Variants in ABLIM3 observed in about 807,000 individuals in gnomAD.
The protein encoded by ABLIM3 is actin-binding LIM protein 3.
A neutral mutation model predicts 109.5 loss-of-function variants in ABLIM3; 61 were observed. That is an observed-to-expected ratio of 0.56 (90% CI 0.45 to 0.69). ABLIM3 has a LOEUF of 0.69. Among genes scored for constraint, ABLIM3 ranks in the 30% least tolerant of loss-of-function variants. The pLI, the probability that ABLIM3 is intolerant of heterozygous loss-of-function variation, is 0.00. For synonymous variants in ABLIM3, 300 were observed against 324.8 expected (o/e 0.92, Z 0.82); for missense variants, 796 against 889.5 (o/e 0.89, Z 1.34).
At chr5:149,227,345 G>A (rs1258655806) in intron 8 of ABLIM3, among the ~76,000 whole-genome samples, 1 of 152,152 alleles carries the variant, frequency 6.6e-6, no homozygotes, top group Middle Eastern at 3.2e-3. Context: ...TTCATAGTAG[G>A]TTTTAACTGC....
intron 11 of ABLIM3, among the ~76,000 whole-genome samples, chr5:149,237,892 C>T (rs1287954226): frequency 6.6e-6 from 1 of 152,164 alleles, no homozygotes; most frequent in Non-Finnish European, 1.5e-5. Context: ...CCCAGTCCCC[C>T]GACTCCCTGT....
chr5:149,155,312 A>T (rs547346714), intron 2 of ABLIM3, among the ~76,000 whole-genome samples: 1 of 152,328 alleles, frequency 6.6e-6, no homozygotes, highest in African/African-American at 2.4e-5. Context: ...GCAGTGAAAC[A>T]AATCTTCACG....
At chr5:149,188,592 G>A (rs966441435) in intron 3 of ABLIM3, among the ~76,000 whole-genome samples, 2 of 152,204 alleles carry the variant, frequency 1.3e-5, no homozygotes, top group Non-Finnish European at 2.9e-5. Flanking sequence ...ATCTTGCTGC[G>A]TCTTCGCATG....
chr5:149,165,227 C>G (rs1754715074), intron 2 of ABLIM3, among the ~76,000 whole-genome samples: 1 of 152,154 alleles, frequency 6.6e-6, no homozygotes, highest in Non-Finnish European at 1.5e-5. Context: ...TCTTCTCTAG[C>G]CCACTGAATG....
chr5:149,225,978 GTGTGTATA>G (rs1323212063), intron 8 of ABLIM3, among the ~76,000 whole-genome samples: 12 of 25,072 alleles, frequency 4.8e-4, no homozygotes, highest in Admixed American at 8.0e-4. Flanking sequence ...GTGTGTGTGT[GTGTGTATA>G]TATATATATA....
chr5:149,174,166 G>A (rs1755717777), intron 2 of ABLIM3, among the ~76,000 whole-genome samples: 2 of 151,812 alleles, frequency 1.3e-5, no homozygotes, highest in South Asian at 2.1e-4. Context: ...TTCCCTGAAC[G>A]ATGACCAGGG....
At chr5:149,203,997 A>G (rs1190311086) in intron 5 of ABLIM3, among the ~76,000 whole-genome samples, 1 of 152,194 alleles carries the variant, frequency 6.6e-6, no homozygotes, top group Non-Finnish European at 1.5e-5. Context: ...CTTAGATCCT[A>G]TTCCCTTAAC....
At chr5:149,221,509 G>C (rs953258105) in intron 8 of ABLIM3, among the ~76,000 whole-genome samples, 1 of 152,176 alleles carries the variant, frequency 6.6e-6, no homozygotes, top group South Asian at 2.1e-4. Flanking sequence ...GCTCTAATTG[G>C]GAGAAGTCTG....
rs749832445 is a variant in ABLIM3 at position 149,200,405 on chromosome 5, C to G, written c.425C>G (p.Pro142Arg). 6.2e-7 allele frequency: 1 copy of G among 1,614,180 alleles called. No individual in the cohort carries two copies. Among genetic ancestry groups the G allele is most frequent in the Admixed American group, 1.7e-5 (1 of 60,022 alleles). Residue 142 changes from proline (P) to arginine (R), a missense_variant, in exon 5 of 24, where the codon CCC (proline) becomes CGC (arginine). Physicochemically the swap from Pro to Arg is moderately radical, Grantham distance 103. Coordinates refer to ENST00000309868, the MANE Select transcript of ABLIM3 (RefSeq NM_014945.5). ...TCCCAGTCCATGGCCAGCAGTAAGCCCATCAAGATTCGTGGACCAAGCCGT... is the reference window on the plus strand; with the variant it reads ...TCCCAGTCCATGGCCAGCAGTAAGCGCATCAAGATTCGTGGACCAAGCCGT... ...TCSQSMASSK[P>R]IKIRGPSHCA...
chr5:149,220,691 G>T (rs372596250), intron 8 of ABLIM3: 3 of 152,190 alleles, frequency 2.0e-5, no homozygotes, highest in South Asian at 4.1e-4. Context: ...GCTCAGGAGT[G>T]TAAAGAAGTG....
chr5:149,216,164 G>C (rs1760058508), intron 7 of ABLIM3, among the ~76,000 whole-genome samples: 2 of 152,122 alleles, frequency 1.3e-5, no homozygotes, highest in African/African-American at 4.8e-5. Flanking sequence ...ATCACCCACT[G>C]AGCCCTAAAA....
chr5:149,229,730 G>T (rs915929122), intron 8 of ABLIM3, among the ~76,000 whole-genome samples: 1 of 152,216 alleles, frequency 6.6e-6, no homozygotes, highest in South Asian at 2.1e-4. Context: ...GGGATAATAT[G>T]TTCCTATTTT....
At chr5:149,184,058 G>C (rs1756727995) in intron 3 of ABLIM3, among the ~76,000 whole-genome samples, 1 of 150,492 alleles carries the variant, frequency 6.6e-6, no homozygotes, top group Non-Finnish European at 1.5e-5. Context: ...GAGACATCTT[G>C]ACCTTGGTAA....
At chr5:149,249,981 C>T in intron 19 of ABLIM3, 137 bp downstream of exon 19, 1 of 1,103,190 alleles carries the variant, frequency 9.1e-7, no homozygotes, top group Admixed American at 1.9e-5. Context: ...TAGTCTACTC[C>T]ATTGTATTTG....
chr5:149,250,540 T>A, intron 20 of ABLIM3, 35 bp downstream of exon 20: 3 of 1,611,874 alleles, frequency 1.9e-6, no homozygotes, highest in Non-Finnish European at 2.5e-6. Context: ...GGGAGGACGT[T>A]GTCCCCAAAA....
At chr5:149,188,796 T>G (rs1757215031) in intron 3 of ABLIM3, among the ~76,000 whole-genome samples, 2 of 152,176 alleles carry the variant, frequency 1.3e-5, no homozygotes, top group Non-Finnish European at 2.9e-5. Flanking sequence ...GGGGACAGAA[T>G]TCAGTCCATA....
At chr5:149,174,634 C>T (rs1755759682) in intron 2 of ABLIM3, 1 of 152,206 alleles carries the variant, frequency 6.6e-6, no homozygotes, top group Non-Finnish European at 1.5e-5. Flanking sequence ...CAGTGCAAGG[C>T]AACCCCATTC....
intron 3 of ABLIM3, among the ~76,000 whole-genome samples, chr5:149,193,622 A>G (rs142463777): frequency 2.0e-5 from 3 of 152,338 alleles, no homozygotes; most frequent in East Asian, 3.9e-4. Context: ...TTAAAATTAT[A>G]TTCTTGACAA....
chr5:149,245,418 G>C (rs1753251415), intron 16 of ABLIM3, among the ~76,000 whole-genome samples: 1 of 152,234 alleles, frequency 6.6e-6, no homozygotes, highest in African/African-American at 2.4e-5. Context: ...CTTCTGCAAA[G>C]ACCCAGGATG....
Sources: allele counts gnomAD v4.1 joint callset (sites outside exome capture counted in the v4.1 genomes callset), GRCh38; gene constraint gnomAD v4.1.1; transcripts MANE v1.5; gene names NCBI Gene and HGNC (gene_info 2026-07-23, HGNC 2026-07-21).